Variants in UGT1A9 observed in about 807,000 individuals in gnomAD.
The protein encoded by UGT1A9 is UDP glucuronosyltransferase family 1 member A9, also known as UDP-glucuronosyltransferase 1A9.
Under a neutral mutation model 45.0 loss-of-function variants are expected in UGT1A9, and 35 were observed. That is an observed-to-expected ratio of 0.78 (90% CI 0.59 to 1.03). The LOEUF is 1.03. UGT1A9 is among the 50% of genes least tolerant of loss of function. The probability of loss-of-function intolerance (pLI) is 0.00; values close to 1 mark genes in which losing one functional copy is unlikely to be tolerated. For synonymous variants in UGT1A9, 278 were observed against 250.6 expected, an observed-to-expected ratio of 1.11 and a Z score of -1.03; for missense variants, 687 against 666.6, an observed-to-expected ratio of 1.03 and a Z score of -0.34.
At chr2:233,763,222 T>C (rs1031728424) in intron 1 of UGT1A9, among the ~76,000 whole-genome samples, 2 of 152,230 alleles carry the variant, frequency 1.3e-5, no homozygotes, top group African/African-American at 4.8e-5. Context: ...GGTGTGAAAA[T>C]ATGTTTTTAA....
intron 1 of UGT1A9, chr2:233,691,521 A>C (rs965532552): frequency 1.0e-6 from 1 of 985,728 alleles, no homozygotes; most frequent in African/African-American, 1.7e-5. Flanking sequence ...CCAGGTGTGC[A>C]TGACTAGCTC....
rs111739350 is a variant in UGT1A9 at position 233,753,142 on chromosome 2, A to G, written c.856-13892A>G. The G allele has an allele frequency of 8.2e-3, 1,248 of 152,338 alleles. 11 individuals are homozygous for G. The highest frequency in any genetic ancestry group is 0.011 in the Non-Finnish European group (750 of 68,038). The allele number at this position is 152,338 out of a possible 1,614,324, so 9.4% of individuals were successfully genotyped here. On this transcript the variant is annotated intron_variant, in intron 1 of 4. Coordinates refer to ENST00000354728, the MANE Select transcript of UGT1A9 (RefSeq NM_021027.3). ...CAAACTACTCAGTGAGTATCTTCAC[A>G]CATGTAAGTTCCCTTATCCGGATCA...
At position 233,675,856 on chromosome 2, in the gene UGT1A9, A is replaced by G. The variant is rs28969706; in HGVS notation, c.855+3067A>G. On this transcript the variant is annotated intron_variant, in intron 1 of 4. Transcript: ENST00000354728. ...GAACAATTCATTTAATATAAAAAATAAGAAAAATTTGTTACATAGCCACAA... is the reference window on the plus strand; with the variant it reads ...GAACAATTCATTTAATATAAAAAATGAGAAAAATTTGTTACATAGCCACAA... Among the ~76,000 whole-genome samples, 1,490 of 152,324 alleles carry G rather than the reference A, an allele frequency of 9.8e-3. 36 individuals carry two copies. Among genetic ancestry groups the G allele is most frequent in the African/African-American group, 0.034 (1,393 of 41,570 alleles).
intron 1 of UGT1A9, among the ~76,000 whole-genome samples, chr2:233,688,893 G>A (rs1289249191): frequency 6.6e-6 from 1 of 152,152 alleles, no homozygotes; most frequent in Admixed American, 6.5e-5. Flanking sequence ...AATCTTGGGA[G>A]AAGTTGGGGG....
chr2:233,746,322 CT>C (rs1693360361), intron 1 of UGT1A9, among the ~76,000 whole-genome samples: 1 of 151,756 alleles, frequency 6.6e-6, no homozygotes, highest in Admixed American at 6.5e-5. Flanking sequence ...TGTAGATGAT[CT>C]ACAGGGCAAT....
chr2:233,711,003 C>T (rs1366862423), intron 1 of UGT1A9, among the ~76,000 whole-genome samples: 1 of 152,174 alleles, frequency 6.6e-6, no homozygotes, highest in African/African-American at 2.4e-5. Context: ...CTATTGGATG[C>T]CTTTTTCTAT....
chr2:233,736,629 C>G (rs558858921), intron 1 of UGT1A9, among the ~76,000 whole-genome samples: 2 of 152,326 alleles, frequency 1.3e-5, no homozygotes, highest in South Asian at 2.1e-4. Flanking sequence ...CTTTTCTGCT[C>G]TAGTTTCCCC....
intron 1 of UGT1A9, among the ~76,000 whole-genome samples, chr2:233,687,600 A>AG (rs1235597236): frequency 6.6e-6 from 1 of 151,498 alleles, no homozygotes; most frequent in East Asian, 1.9e-4. Context: ...AAAAAAAAAA[A>AG]AAAAAAAGGA....
chr2:233,683,625 C>T (rs1285866953), intron 1 of UGT1A9, among the ~76,000 whole-genome samples: 1 of 152,056 alleles, frequency 6.6e-6, no homozygotes, highest in Non-Finnish European at 1.5e-5. Flanking sequence ...TGTTTTATTT[C>T]CATAAATAAA....
chr2:233,729,652 A>T, intron 1 of UGT1A9: 1 of 1,613,890 alleles, frequency 6.2e-7, no homozygotes, highest in Non-Finnish European at 8.5e-7. Flanking sequence ...TTTGAGGAAC[A>T]TTCCATGTGA....
At chr2:233,719,243 G>T in intron 1 of UGT1A9, 1 of 1,614,206 alleles carries the variant, frequency 6.2e-7, no homozygotes, top group South Asian at 1.1e-5. Context: ...TCAGGCACCT[G>T]AATGCTACTT....
intron 1 of UGT1A9, chr2:233,718,738 T>C: frequency 6.2e-7 from 1 of 1,611,852 alleles, no homozygotes; most frequent in Non-Finnish European, 8.5e-7. Flanking sequence ...GGTGGCTCAA[T>C]GACAAGGTAA....
chr2:233,760,535 T>G (rs1425697704), intron 1 of UGT1A9: 1 of 1,614,120 alleles, frequency 6.2e-7, no homozygotes, highest in African/African-American at 1.3e-5. Context: ...CCTGTGCCAT[T>G]CCAAAGGGAG....
intron 1 of UGT1A9, among the ~76,000 whole-genome samples, chr2:233,707,402 T>TTC (rs2075960068): frequency 6.6e-6 from 1 of 152,208 alleles, no homozygotes; most frequent in Non-Finnish European, 1.5e-5. Context: ...CTTTTTGATG[T>TTC]TCTCTCTCCC....
rs541409164 is a variant in UGT1A9, at chr2:233,760,784, T to G, written c.856-6250T>G. ...CCCATCGTGGCCCAGTACCTGTCTC[T>G]GCCCACTGTATTCTTCTTGCATGCA... On this transcript the variant is annotated intron_variant, in intron 1 of 4. Transcript: ENST00000354728. 7 of 1,613,832 alleles carry G rather than the reference T, an allele frequency of 4.3e-6. No homozygotes were observed. In the East Asian group the frequency reaches 1.6e-4, roughly 36 times the overall value.
chr2:233,731,238 T>A (rs2078125574), intron 1 of UGT1A9, among the ~76,000 whole-genome samples: 1 of 152,108 alleles, frequency 6.6e-6, no homozygotes, highest in South Asian at 2.1e-4. Context: ...TGTTGAAAAG[T>A]GGGATGGCAT....
chr2:233,765,069 C>A (rs1391556696), intron 1 of UGT1A9, among the ~76,000 whole-genome samples: 2 of 152,082 alleles, frequency 1.3e-5, no homozygotes, highest in Non-Finnish European at 2.9e-5. Context: ...CAGAGGTCTC[C>A]TGTGTCTCAC....
At chr2:233,691,048 A>G in intron 1 of UGT1A9, 6 of 988,428 alleles carry the variant, frequency 6.1e-6, no homozygotes, top group Non-Finnish European at 7.2e-6. Flanking sequence ...TCCACAGCAG[A>G]GTGGAGGTCT....
chr2:233,760,198 T>C (rs907119126), intron 1 of UGT1A9: 1 of 1,579,636 alleles, frequency 6.3e-7, no homozygotes, highest in Admixed American at 1.7e-5. Context: ...CGTGACACAG[T>C]CAAACATTAA....
Sources: gnomAD v4.1 joint callset for allele counts (sites outside exome capture counted in the v4.1 genomes callset) on GRCh38, gnomAD v4.1.1 for gene constraint, MANE v1.5 for transcripts, NCBI Gene and HGNC (gene_info 2026-07-23, HGNC 2026-07-21) for gene names.